FRMPD3: variants seen among roughly 807,000 people sequenced by gnomAD.
FRMPD3 encodes FERM and PDZ domain containing 3, also known as FERM and PDZ domain-containing protein 3.
In FRMPD3, 42 loss-of-function variants were observed where a neutral mutation model predicts 97.9. That is an observed-to-expected ratio of 0.43 (90% CI 0.34 to 0.55). FRMPD3 has a LOEUF of 0.55. FRMPD3 is among the 20% of genes least tolerant of loss of function. The pLI, the probability that FRMPD3 is intolerant of heterozygous loss-of-function variation, is 0.03. For synonymous variants in FRMPD3, 577 were observed against 581.1 expected (o/e 0.99, Z 0.10); for missense variants, 1,303 against 1,457.7 (o/e 0.89, Z 1.73).
chrX:107,551,354 G>A (rs897921511), intron 6 of FRMPD3, among the ~76,000 whole-genome samples: 3 of 111,794 alleles, frequency 2.7e-5, no homozygotes, highest in Non-Finnish European at 5.7e-5. Context: ...GACCACCCAG[G>A]AGGTGTCCAA....
intron 1 of FRMPD3, among the ~76,000 whole-genome samples, chrX:107,526,131 G>A (rs780067918): frequency 3.6e-5 from 4 of 111,885 alleles, no homozygotes; most frequent in Non-Finnish European, 7.5e-5. Flanking sequence ...GCTTCATGAA[G>A]ATGCTCCATC....
intron 1 of FRMPD3, among the ~76,000 whole-genome samples, chrX:107,507,565 C>T (rs1922066665): frequency 8.9e-6 from 1 of 111,742 alleles, no homozygotes; most frequent in Admixed American, 9.4e-5. Flanking sequence ...TCCATGGGGC[C>T]GGGATACCCT....
At chrX:107,594,609 C>A (rs1361277446) in intron 13 of FRMPD3, among the ~76,000 whole-genome samples, 2 of 112,385 alleles carry the variant, frequency 1.8e-5, no homozygotes, top group Non-Finnish European at 3.7e-5. Flanking sequence ...AGGCCGGGCG[C>A]GGTGGCTCAC....
intron 13 of FRMPD3, among the ~76,000 whole-genome samples, chrX:107,584,574 G>T (rs1335939223): frequency 1.8e-5 from 2 of 111,728 alleles, no homozygotes; most frequent in African/African-American, 6.5e-5. Flanking sequence ...TTTATGATTT[G>T]GGGTTTTACA....
chrX:107,497,808 A>C (rs1442878445), intron 1 of FRMPD3, among the ~76,000 whole-genome samples: 2 of 112,361 alleles, frequency 1.8e-5, no homozygotes, highest in African/African-American at 6.5e-5. Context: ...TAGGAGATTA[A>C]TTTGCAATTT....
chrX:107,578,145 G>GA (rs1923212349), intron 13 of FRMPD3, among the ~76,000 whole-genome samples: 1 of 112,051 alleles, frequency 8.9e-6, no homozygotes, highest in Admixed American at 9.5e-5. Context: ...TAGAGAGGGA[G>GA]AAAATGAAAA....
At chrX:107,478,613 G>T (rs1247941280) in intron 1 of FRMPD3, among the ~76,000 whole-genome samples, 2 of 111,306 alleles carry the variant, frequency 1.8e-5, no homozygotes, top group Non-Finnish European at 3.8e-5. Flanking sequence ...CTAAATGTTC[G>T]TCTCCTCGTT....
intron 1 of FRMPD3, among the ~76,000 whole-genome samples, chrX:107,516,878 T>G (rs1922350820): frequency 9.0e-6 from 1 of 111,677 alleles, no homozygotes; most frequent in Non-Finnish European, 1.9e-5. Context: ...CTCTTTAGCT[T>G]AATTAGATCC....
chrX:107,572,130 T>C (rs763605339), intron 12 of FRMPD3, among the ~76,000 whole-genome samples: 2 of 112,493 alleles, frequency 1.8e-5, no homozygotes, highest in African/African-American at 3.2e-5. Flanking sequence ...CTGGAATGAA[T>C]GGATGCATCT....
In FRMPD3 at chrX:107,598,024, C is replaced by A. The variant is rs368777146; in HGVS notation, c.2145C>A (p.Thr715=). The change falls in exon 14 of 15, where the codon ACC becomes ACA. Residue 715 remains threonine, a synonymous_variant. Transcript: ENST00000683843. ...IPVTLIDSVQ[T]RTVRDHAQEL... ...TGACATTGATTGACAGTGTGCAGAC[C>A]CGGACAGTTCGAGATCATGCCCAGG... The A allele has an allele frequency of 4.4e-5, 53 of 1,208,522 alleles. No homozygotes were observed. In the African/African-American group the frequency reaches 8.2e-4, roughly 19 times the overall value.
chrX:107,526,432 A>C, intron 1 of FRMPD3, 150 bp from the exon 2 acceptor site: 1 of 390,518 alleles, frequency 2.6e-6, no homozygotes, highest in Non-Finnish European at 4.3e-6. Context: ...TGAGGCAGTC[A>C]TCATCTCTGT....
chrX:107,453,854 G>T (rs1931331712), intron 1 of FRMPD3, among the ~76,000 whole-genome samples: 1 of 112,143 alleles, frequency 8.9e-6, no homozygotes, highest in Non-Finnish European at 1.9e-5. Context: ...GCACACTAGT[G>T]CCCAATCCCT....
chrX:107,575,153 A>G (rs1368280920), intron 12 of FRMPD3, among the ~76,000 whole-genome samples: 1 of 112,528 alleles, frequency 8.9e-6, no homozygotes, highest in Non-Finnish European at 1.9e-5. Context: ...AATGTATGCT[A>G]GTATTTCCCA....
intron 1 of FRMPD3, among the ~76,000 whole-genome samples, chrX:107,487,243 G>A (rs1426842650): frequency 4.5e-5 from 5 of 111,143 alleles, no homozygotes; most frequent in Admixed American, 9.6e-5. Context: ...AACAGAGCAA[G>A]ACTCCATCTC....
chrX:107,466,878 A>G (rs989656484), intron 1 of FRMPD3, among the ~76,000 whole-genome samples: 1 of 111,135 alleles, frequency 9.0e-6, no homozygotes, highest in Non-Finnish European at 1.9e-5. Flanking sequence ...GAAAGGACTG[A>G]CTCTAACACC....
chrX:107,488,301 G>A (rs1921560122), intron 1 of FRMPD3, among the ~76,000 whole-genome samples: 1 of 112,120 alleles, frequency 8.9e-6, no homozygotes, highest in Admixed American at 9.4e-5. Context: ...TCATCATTAT[G>A]TCTCCACTTG....
intron 4 of FRMPD3, among the ~76,000 whole-genome samples, chrX:107,542,017 G>A (rs940838656): frequency 6.2e-5 from 7 of 113,027 alleles, no homozygotes; most frequent in African/African-American, 2.2e-4. Flanking sequence ...TCTGAGGGCA[G>A]ATGATGGCAG....
rs1602765192 is a variant in FRMPD3, at chrX:107,509,913, C to T, written c.-7-16669C>T. Among the ~76,000 whole-genome samples, 3 of 111,161 alleles carry T rather than the reference C, an allele frequency of 2.7e-5. No individual in the cohort carries two copies. The Admixed American group carries it at 2.9e-4, about 11-fold the overall frequency. ...CTATGCTGGGCACATAGTAGGTGCT[C>T]AGTAAACTTTTATTACATATATTAA... On this transcript the variant is annotated intron_variant, in intron 1 of 14. Transcript: ENST00000683843.
At chrX:107,453,210 T>C (rs1188804912) in intron 1 of FRMPD3, among the ~76,000 whole-genome samples, 3 of 110,106 alleles carry the variant, frequency 2.7e-5, no homozygotes, top group Admixed American at 9.6e-5. Flanking sequence ...TACACACAAA[T>C]ACACACACAC....
Sources: gnomAD v4.1 joint callset for allele counts (sites outside exome capture counted in the v4.1 genomes callset) on GRCh38, gnomAD v4.1.1 for gene constraint, MANE v1.5 for transcripts, NCBI Gene and HGNC (gene_info 2026-07-23, HGNC 2026-07-21) for gene names.